VWC2L: variants seen among roughly 807,000 people sequenced by gnomAD.
VWC2L encodes von Willebrand factor C domain containing 2 like, also known as von Willebrand factor C domain-containing protein 2-like.
In VWC2L, 10 loss-of-function variants were observed where a neutral mutation model predicts 21.6. That is an observed-to-expected ratio of 0.46 (90% confidence interval 0.29 to 0.78). VWC2L has a LOEUF of 0.78. Among genes scored for constraint, VWC2L ranks in the 30% least tolerant of loss-of-function variants. VWC2L has a pLI of 0.10. For synonymous variants in VWC2L, 96 were observed against 94.3 expected (o/e 1.02, Z -0.10); for missense variants, 209 against 277.1 (o/e 0.75, Z 1.74).
chr2:214,449,343 A>G (rs1273904805), intron 3 of VWC2L, among the ~76,000 whole-genome samples: 2 of 152,182 alleles, frequency 1.3e-5, no homozygotes, highest in Admixed American at 1.3e-4. Context: ...CAAAGCCATG[A>G]GCATTGATGA....
intron 3 of VWC2L, among the ~76,000 whole-genome samples, chr2:214,550,853 CT>C (rs1689782836): frequency 6.6e-6 from 1 of 152,166 alleles, no homozygotes; most frequent in Non-Finnish European, 1.5e-5. Flanking sequence ...CTACCTCAAA[CT>C]TTTCAGTGGC....
At chr2:214,426,544 C>A (rs1466037955) in intron 2 of VWC2L, among the ~76,000 whole-genome samples, 1 of 152,184 alleles carries the variant, frequency 6.6e-6, no homozygotes, top group African/African-American at 2.4e-5. Context: ...GTATCTTGCA[C>A]ATGCATTTCC....
intron 3 of VWC2L, among the ~76,000 whole-genome samples, chr2:214,540,373 G>C (rs1228810919): frequency 6.6e-6 from 1 of 152,132 alleles, no homozygotes; most frequent in Non-Finnish European, 1.5e-5. Flanking sequence ...ACATAGGCAA[G>C]GTTCTGCAGA....
intron 3 of VWC2L, among the ~76,000 whole-genome samples, chr2:214,483,266 C>T (rs1330173905): frequency 6.6e-6 from 1 of 152,010 alleles, no homozygotes; most frequent in Non-Finnish European, 1.5e-5. Context: ...CTACAATGTC[C>T]ATGATGGCAA....
chr2:214,447,826 G>A (rs576870131), intron 3 of VWC2L, among the ~76,000 whole-genome samples: 3 of 152,074 alleles, frequency 2.0e-5, no homozygotes, highest in African/African-American at 4.8e-5. Flanking sequence ...GCATCTCCAC[G>A]TCATTGTTGA....
intron 3 of VWC2L, among the ~76,000 whole-genome samples, chr2:214,509,184 C>T (rs1271122021): frequency 6.6e-6 from 1 of 152,150 alleles, no homozygotes; most frequent in Non-Finnish European, 1.5e-5. Context: ...AATCACCTCC[C>T]ATATAAACTG....
chr2:214,561,686 G>A (rs1574637468), intron 3 of VWC2L, among the ~76,000 whole-genome samples: 1 of 151,284 alleles, frequency 6.6e-6, no homozygotes, highest in Admixed American at 6.6e-5. Flanking sequence ...GAACTGGGAG[G>A]ATCACCTGAG....
chr2:214,435,375 C>T (rs150280283), intron 2 of VWC2L, among the ~76,000 whole-genome samples: 290 of 152,256 alleles, frequency 1.9e-3, no homozygotes, highest in African/African-American at 6.8e-3. Flanking sequence ...CCACAGATCC[C>T]ATGGCTAATT....
chr2:214,455,039 T>C (rs77538070), intron 3 of VWC2L, among the ~76,000 whole-genome samples: 3,524 of 152,296 alleles, frequency 0.023, 67 homozygotes, highest in Non-Finnish European at 0.037. Context: ...TAGTTTTCTT[T>C]TCTGTTGATG....
intron 3 of VWC2L, among the ~76,000 whole-genome samples, chr2:214,442,255 G>A (rs926750915): frequency 6.6e-5 from 10 of 151,986 alleles, no homozygotes; most frequent in African/African-American, 9.7e-5. Flanking sequence ...ATGTGTATAC[G>A]AAAAAAGTTA....
intron 3 of VWC2L, among the ~76,000 whole-genome samples, chr2:214,481,774 T>C (rs1024290853): frequency 2.6e-5 from 4 of 152,224 alleles, no homozygotes; most frequent in African/African-American, 9.6e-5. Flanking sequence ...TTTTGTAATA[T>C]GATAGCATTG....
intron 3 of VWC2L, among the ~76,000 whole-genome samples, chr2:214,449,826 G>T (rs1277461588): frequency 6.6e-6 from 1 of 152,138 alleles, no homozygotes; most frequent in African/African-American, 2.4e-5. Flanking sequence ...AGCCATAAAT[G>T]CTACTGTTTG....
chr2:214,563,887 A>T (rs1690020170), intron 3 of VWC2L, among the ~76,000 whole-genome samples: 1 of 152,180 alleles, frequency 6.6e-6, no homozygotes, highest in Non-Finnish European at 1.5e-5. Context: ...ATAGCAAGAG[A>T]GGAAGTCAAA....
rs1690255115 is a variant in VWC2L at position 214,577,711 on chromosome 2, T to G, written c.*1891T>G. The G allele has an allele frequency of 6.6e-6, 1 of 152,176 alleles. No individual in the cohort carries two copies. Among genetic ancestry groups the G allele is most frequent in the South Asian group, 2.1e-4 (1 of 4,830 alleles). The allele number at this position is 152,176 out of a possible 1,614,324, so 9.4% of individuals were successfully genotyped here. On this transcript the variant is annotated 3_prime_UTR_variant, in exon 4 of 4. Transcript: ENST00000312504. Reference sequence around the variant, plus strand: ...AGGAAACATATTTTTTTGAGTCTTGTCAACTGGTTTTTCATTTAAAATTGT... The same window carrying G: ...AGGAAACATATTTTTTTGAGTCTTGGCAACTGGTTTTTCATTTAAAATTGT...
At chr2:214,495,485 T>C (rs1007741338) in intron 3 of VWC2L, among the ~76,000 whole-genome samples, 16 of 152,166 alleles carry the variant, frequency 1.1e-4, no homozygotes, top group African/African-American at 3.6e-4. Context: ...CCAGGGGTCT[T>C]TCAAACATCA....
At chr2:214,527,295 T>C (rs936658921) in intron 3 of VWC2L, among the ~76,000 whole-genome samples, 1 of 152,094 alleles carries the variant, frequency 6.6e-6, no homozygotes, top group African/African-American at 2.4e-5. Context: ...TCAGTTACTA[T>C]GCTCGCTACC....
At chr2:214,502,263 T>C (rs1327942335) in intron 3 of VWC2L, among the ~76,000 whole-genome samples, 1 of 152,090 alleles carries the variant, frequency 6.6e-6, no homozygotes, top group Non-Finnish European at 1.5e-5. Flanking sequence ...AAAGTGTAAA[T>C]ATAAAGCATA....
At chr2:214,538,793 T>C (rs1453648863) in intron 3 of VWC2L, among the ~76,000 whole-genome samples, 1 of 152,090 alleles carries the variant, frequency 6.6e-6, no homozygotes, top group African/African-American at 2.4e-5. Flanking sequence ...TTTGATACCG[T>C]ACTTTGTCAA....
At chr2:214,510,231 T>G (rs566837095) in intron 3 of VWC2L, 1 of 152,226 alleles carries the variant, frequency 6.6e-6, no homozygotes, top group Non-Finnish European at 1.5e-5. Flanking sequence ...CTGAATTGAT[T>G]ATCATAGATT....
Sources: gnomAD v4.1 joint callset for allele counts (sites outside exome capture counted in the v4.1 genomes callset) on GRCh38, gnomAD v4.1.1 for gene constraint, MANE v1.5 for transcripts, NCBI Gene and HGNC (gene_info 2026-07-23, HGNC 2026-07-21) for gene names.